Variants in MSI2 observed in about 807,000 individuals in gnomAD.
MSI2 encodes the protein RNA-binding protein Musashi homolog 2.
In MSI2, 17 loss-of-function variants were observed where a neutral mutation model predicts 45.6. The observed-to-expected ratio is 0.37, with a 90% CI of 0.26 to 0.56. MSI2 has a LOEUF of 0.56. Ranked by LOEUF, MSI2 falls within the 20% of genes least tolerant of loss-of-function variation. The pLI, the probability that MSI2 is intolerant of heterozygous loss-of-function variation, is 0.77. For synonymous variants in MSI2, 156 were observed against 158.2 expected (o/e 0.99, Z 0.11); for missense variants, 293 against 444.2 (o/e 0.66, Z 3.06).
At chr17:57,482,667 G>A (rs866832233) in intron 6 of MSI2, among the ~76,000 whole-genome samples, 2 of 152,176 alleles carry the variant, frequency 1.3e-5, no homozygotes, top group South Asian at 2.1e-4. Context: ...GTTTGGGGTG[G>A]TCCCTTCCTT....
At chr17:57,351,510 T>C (rs1050545135) in intron 5 of MSI2, among the ~76,000 whole-genome samples, 2 of 152,210 alleles carry the variant, frequency 1.3e-5, no homozygotes, top group Non-Finnish European at 1.5e-5. Context: ...TAAGCCCCTG[T>C]TTTATATAAA....
rs529303757 is a variant in MSI2, at chr17:57,313,843, C to T, written c.312+51651C>T. Among the ~76,000 whole-genome samples the T allele has an allele frequency of 2.0e-5, 3 of 152,286 alleles. No individual in the cohort carries two copies. In the East Asian group the frequency reaches 5.8e-4, roughly 29 times the overall value. ...AAGCAGGTCAGGGAACCTGGAGGCTCCAAGGATGACCAAAGAGGCGGGCCT... is the reference window on the plus strand; with the variant it reads ...AAGCAGGTCAGGGAACCTGGAGGCTTCAAGGATGACCAAAGAGGCGGGCCT... On this transcript the variant is annotated intron_variant, in intron 5 of 13. Coordinates refer to ENST00000284073, the MANE Select transcript of MSI2 (RefSeq NM_138962.4).
intron 5 of MSI2, among the ~76,000 whole-genome samples, chr17:57,362,576 G>A (rs920382133): frequency 6.6e-6 from 1 of 152,148 alleles, no homozygotes; most frequent in African/African-American, 2.4e-5. Context: ...TTATTTTACA[G>A]TTCTGAAGTT....
intron 6 of MSI2, among the ~76,000 whole-genome samples, chr17:57,493,792 C>G (rs900117162): frequency 6.6e-6 from 1 of 152,060 alleles, no homozygotes; most frequent in African/African-American, 2.4e-5. Flanking sequence ...TCTTCCTCCC[C>G]TTGGAGCCAT....
chr17:57,336,731 C>T (rs1567764932), intron 5 of MSI2, among the ~76,000 whole-genome samples: 1 of 152,086 alleles, frequency 6.6e-6, no homozygotes, highest in Non-Finnish European at 1.5e-5. Flanking sequence ...ATATTATAGG[C>T]ATTATATATT....
intron 6 of MSI2, among the ~76,000 whole-genome samples, chr17:57,424,776 C>G (rs969054638): frequency 6.6e-6 from 1 of 152,088 alleles, no homozygotes; most frequent in Non-Finnish European, 1.5e-5. Context: ...GCCTCTGTGC[C>G]TGATGACTCT....
At chr17:57,458,885 G>A (rs117109110) in intron 6 of MSI2, among the ~76,000 whole-genome samples, 184 of 152,318 alleles carry the variant, frequency 1.2e-3, no homozygotes, top group Non-Finnish European at 2.1e-3. Flanking sequence ...CCTGCTCCGC[G>A]GTTGCTGGGC....
intron 9 of MSI2, among the ~76,000 whole-genome samples, chr17:57,622,600 CG>C (rs143540074): frequency 0.015 from 2,265 of 152,134 alleles, 63 homozygotes; most frequent in African/African-American, 0.051. Flanking sequence ...TGAGAAGCCC[CG>C]CGTGAAGTCC....
intron 5 of MSI2, among the ~76,000 whole-genome samples, chr17:57,307,197 G>T (rs1271667960): frequency 6.6e-6 from 1 of 152,114 alleles, no homozygotes; most frequent in Non-Finnish European, 1.5e-5. Context: ...CAATTGTTTG[G>T]TGAAACCTTA....
At chr17:57,427,587 TGAGGCCACGTAC>T in intron 6 of MSI2, among the ~76,000 whole-genome samples, 1 of 152,108 alleles carries the variant, frequency 6.6e-6, no homozygotes, top group Admixed American at 6.5e-5. Flanking sequence ...AAGGCTGAAA[TGAGGCCACGTAC>T]GTAAAGTGTC....
intron 5 of MSI2, among the ~76,000 whole-genome samples, chr17:57,300,067 C>T (rs190181405): frequency 8.5e-5 from 13 of 152,330 alleles, no homozygotes; most frequent in South Asian, 4.1e-4. Flanking sequence ...GACCCACGCA[C>T]GGCTTTACTG....
intron 5 of MSI2, among the ~76,000 whole-genome samples, chr17:57,328,446 T>A (rs1913998935): frequency 6.6e-6 from 1 of 152,264 alleles, no homozygotes; most frequent in African/African-American, 2.4e-5. Flanking sequence ...GGCTTTCTGA[T>A]GTAAATGTAG....
intron 6 of MSI2, among the ~76,000 whole-genome samples, chr17:57,520,776 C>T (rs1303251437): frequency 6.6e-6 from 1 of 152,066 alleles, no homozygotes; most frequent in Admixed American, 6.5e-5. Flanking sequence ...GCCTCAGCCT[C>T]CAGAGTAGCT....
At chr17:57,350,086 T>C (rs2143835485) in intron 5 of MSI2, among the ~76,000 whole-genome samples, 1 of 152,324 alleles carries the variant, frequency 6.6e-6, no homozygotes, top group East Asian at 1.9e-4. Flanking sequence ...ATGGAACCAC[T>C]TTATATTAAG....
chr17:57,279,839 A>G (rs892551552), intron 5 of MSI2: 1 of 152,020 alleles, frequency 6.6e-6, no homozygotes, highest in African/African-American at 2.4e-5. Flanking sequence ...AGAGGTGGGT[A>G]TCTCACTTTG....
chr17:57,354,955 G>A (rs1916309640), intron 5 of MSI2, among the ~76,000 whole-genome samples: 1 of 152,210 alleles, frequency 6.6e-6, no homozygotes, highest in African/African-American at 2.4e-5. Context: ...AAAATGTGGA[G>A]TCTGTGACCA....
intron 6 of MSI2, among the ~76,000 whole-genome samples, chr17:57,441,312 T>A (rs1179769268): frequency 6.6e-6 from 1 of 152,146 alleles, no homozygotes; most frequent in Non-Finnish European, 1.5e-5. Context: ...TTGAATAGCT[T>A]GTATGAACTC....
At chr17:57,283,879 G>A (rs1235790697) in intron 5 of MSI2, among the ~76,000 whole-genome samples, 2 of 152,214 alleles carry the variant, frequency 1.3e-5, no homozygotes, top group South Asian at 2.1e-4. Flanking sequence ...GCGTGGGGAC[G>A]CATGGGAAGC....
chr17:57,465,077 C>T (rs1334184992), intron 6 of MSI2, among the ~76,000 whole-genome samples: 1 of 152,162 alleles, frequency 6.6e-6, no homozygotes, highest in Non-Finnish European at 1.5e-5. Flanking sequence ...ATGGAACCAT[C>T]AAGAATAGTT....
Sources: allele counts gnomAD v4.1 joint callset (sites outside exome capture counted in the v4.1 genomes callset), GRCh38; gene constraint gnomAD v4.1.1; transcripts MANE v1.5; gene names NCBI Gene and HGNC (gene_info 2026-07-23, HGNC 2026-07-21).